Variants in MMP20 observed in about 807,000 individuals in gnomAD.
The protein encoded by MMP20 is matrix metallopeptidase 20.
In MMP20, 50 loss-of-function variants were observed where a neutral mutation model predicts 51.8. The observed-to-expected ratio is 0.97, with a 90% CI of 0.77 to 1.22. The LOEUF is 1.22. Ranked by LOEUF, MMP20 falls within the 50% of genes most tolerant of loss-of-function variation. MMP20 has a pLI of 0.00. For synonymous variants in MMP20, 244 were observed against 216.2 expected (o/e 1.13, Z -1.13); for missense variants, 663 against 601.4 (o/e 1.10, Z -1.07).
rs1353412361 is a variant in MMP20 at position 102,616,994 on chromosome 11, T to C, written c.192A>G (p.Gly64=). ...TAATCTTCCTTATCATGGAATTGCT[T>C]CCTCTTGCAACCATCTCACCAATCT... The part of the protein sequence containing the change: ...GHQIGEMVAR[G]SNSMIRKIKE... Residue 64 remains glycine, a synonymous_variant, in exon 2 of 10, where the codon GGA becomes GGG. Transcript: ENST00000260228. 1 of 1,614,162 alleles carries C rather than the reference T, an allele frequency of 6.2e-7. No homozygotes were observed. The highest frequency in any genetic ancestry group is 1.1e-5 in the South Asian group (1 of 91,082).
At chr11:102,583,824 A>G (rs1206764729) in intron 8 of MMP20, among the ~76,000 whole-genome samples, 1 of 152,164 alleles carries the variant, frequency 6.6e-6, no homozygotes, top group African/African-American at 2.4e-5. Context: ...GACCTAGACA[A>G]TCACTATCTA....
rs1565400136 is a variant in MMP20, at chr11:102,616,837, AT to A, written c.348del (p.Lys116AsnfsTer7). 6.2e-7 allele frequency: 1 copy of A among 1,614,026 alleles called. No homozygotes were observed. Among genetic ancestry groups the A allele is most frequent in the Non-Finnish European group, 8.5e-7 (1 of 1,179,966 alleles). ...ANYRLFPGEP[K>X]WKKNTLTYRI... ...CTGTATGTCAAAGTATTTTTTTTCC[AT>A]TTGGGTTCACCAGGGAAGAGGCGAT... On this transcript the variant is annotated frameshift_variant, in exon 2 of 10. Coordinates refer to ENST00000260228, the MANE Select transcript of MMP20 (RefSeq NM_004771.4). LOFTEE classifies it high-confidence loss of function.
chr11:102,616,715 T>G, intron 2 of MMP20, 97 bp downstream of exon 2: 1 of 1,520,448 alleles, frequency 6.6e-7, no homozygotes, highest in East Asian at 2.3e-5. Flanking sequence ...GGTGTCAGGA[T>G]TTTTATACGG....
chr11:102,620,853 G>A (rs1191470107), intron 1 of MMP20, among the ~76,000 whole-genome samples: 1 of 152,232 alleles, frequency 6.6e-6, no homozygotes, highest in African/African-American at 2.4e-5. Context: ...GCTGAGGTCT[G>A]AGGGGAATGG....
chr11:102,606,412 G>T, intron 6 of MMP20, 123 bp downstream of exon 6: 3 of 1,315,044 alleles, frequency 2.3e-6, no homozygotes, highest in Admixed American at 1.9e-5. Flanking sequence ...CCACCCTTCT[G>T]CTGCATAGGA....
intron 6 of MMP20, among the ~76,000 whole-genome samples, chr11:102,603,516 A>G (rs1184759127): frequency 2.0e-5 from 3 of 152,168 alleles, no homozygotes; most frequent in Admixed American, 6.5e-5. Context: ...TATCCTTTCT[A>G]TGACTTGTAA....
intron 9 of MMP20, among the ~76,000 whole-genome samples, chr11:102,578,619 C>T (rs1442676964): frequency 6.6e-6 from 1 of 152,152 alleles, no homozygotes; most frequent in Non-Finnish European, 1.5e-5. Flanking sequence ...GCCTGTAGTC[C>T]CAGCTACTTG....
rs3781787 is a variant in MMP20, at chr11:102,606,784, T to C, written c.812-108A>G. The C allele has an allele frequency of 0.2, 264,738 of 1,328,576 alleles. 28,780 individuals carry two copies. The highest frequency in any genetic ancestry group is 0.46 in the East Asian group (20,107 of 43,262). The allele number at this position is 1,328,576 out of a possible 1,614,324, so 82.3% of individuals were successfully genotyped here. A position where few individuals can be genotyped will look rare whatever the true frequency, so the allele number is the denominator to read the frequency against. ...GTACACTTTCACGCTGGACATGTGA[T>C]CATGATCATGGCTGTTGAGGGCAGG... On this transcript the variant is annotated intron_variant, in intron 5 of 9. Coordinates refer to ENST00000260228, the MANE Select transcript of MMP20 (RefSeq NM_004771.4).
intron 8 of MMP20, among the ~76,000 whole-genome samples, chr11:102,591,404 T>C (rs1859315071): frequency 6.6e-6 from 1 of 152,230 alleles, no homozygotes; most frequent in Non-Finnish European, 1.5e-5. Context: ...CAGAGAAATA[T>C]TGAGGTTTAA....
intron 9 of MMP20, among the ~76,000 whole-genome samples, chr11:102,578,583 A>G (rs1424413810): frequency 6.6e-6 from 1 of 152,192 alleles, no homozygotes; most frequent in African/African-American, 2.4e-5. Flanking sequence ...TAAAAATACA[A>G]ACATTAGCTG....
At chr11:102,599,268 C>T (rs7934692) in intron 6 of MMP20, among the ~76,000 whole-genome samples, 22,970 of 152,090 alleles carry the variant, frequency 0.15, 1,911 homozygotes, top group Middle Eastern at 0.21. Context: ...GATCTGCCTG[C>T]CTCGGCTTCC....
At position 102,606,635 on chromosome 11, in the gene MMP20, C is replaced by T. The variant is rs182862570; in HGVS notation, c.853G>A (p.Ala285Thr). Residue 285 changes from alanine (A) to threonine (T), a missense_variant, in exon 6 of 10, where the codon GCC (alanine) becomes ACC (threonine). Physicochemically the swap from Ala to Thr is moderately conservative, Grantham distance 58. Coordinates refer to ENST00000260228, the MANE Select transcript of MMP20 (RefSeq NM_004771.4). ...GGGATGGATGGCTTGTGATGGGGGGCATGGGGCAGAGTGGGCTTCCCCAGG... is the reference window on the plus strand; with the variant it reads ...GGGATGGATGGCTTGTGATGGGGGGTATGGGGCAGAGTGGGCTTCCCCAGG... ...VFLGKPTLPH[A>T]PHHKPSIPDL... 5.6e-6 allele frequency: 9 copies of T among 1,613,924 alleles called. No homozygotes were observed. In the Admixed American group the frequency reaches 1.0e-4, roughly 18 times the overall value.
At chr11:102,594,597 T>G (rs1415217722) in intron 7 of MMP20, 24 bp downstream of exon 7, 1 of 1,613,110 alleles carries the variant, frequency 6.2e-7, no homozygotes, top group East Asian at 2.2e-5. Context: ...TGCCATTTCT[T>G]TCTTTGAGGG....
intron 6 of MMP20, among the ~76,000 whole-genome samples, chr11:102,595,518 A>G (rs1859371425): frequency 6.6e-6 from 1 of 152,224 alleles, no homozygotes; most frequent in African/African-American, 2.4e-5. Context: ...GACATTGTGA[A>G]TAGTATGTAA....
chr11:102,620,423 A>C (rs1434522074), intron 1 of MMP20, among the ~76,000 whole-genome samples: 2 of 152,194 alleles, frequency 1.3e-5, no homozygotes, highest in Non-Finnish European at 2.9e-5. Flanking sequence ...TTGGCTCAGC[A>C]CTTAATGTTG....
chr11:102,614,195 G>A (rs1402975640), intron 2 of MMP20, among the ~76,000 whole-genome samples: 1 of 152,174 alleles, frequency 6.6e-6, no homozygotes, highest in Non-Finnish European at 1.5e-5. Context: ...GCCCAGTTCT[G>A]TCTGACTCCA....
intron 1 of MMP20, among the ~76,000 whole-genome samples, chr11:102,618,526 C>A (rs542009715): frequency 4.4e-4 from 67 of 151,774 alleles, no homozygotes; most frequent in African/African-American, 1.5e-3. Context: ...TGAGACAGTA[C>A]TAGGCCTCTA....
chr11:102,625,129 C>A, intron 1 of MMP20, 65 bp downstream of exon 1: 1 of 1,597,004 alleles, frequency 6.3e-7, no homozygotes, highest in East Asian at 2.2e-5. Flanking sequence ...CTTATTTTCT[C>A]ACTATGCCCT....
At chr11:102,610,775 A>T (rs1328701930) in intron 3 of MMP20, among the ~76,000 whole-genome samples, 1 of 151,720 alleles carries the variant, frequency 6.6e-6, no homozygotes, top group Non-Finnish European at 1.5e-5. Flanking sequence ...TTTTTTTAAA[A>T]AGCCGACAGA....
Sources: gnomAD v4.1 joint callset for allele counts (sites outside exome capture counted in the v4.1 genomes callset) on GRCh38, gnomAD v4.1.1 for gene constraint, MANE v1.5 for transcripts, NCBI Gene and HGNC (gene_info 2026-07-23, HGNC 2026-07-21) for gene names.